The following ANKRD11 variants were observed in gnomAD, a reference collection of about 807,000 sequenced individuals.
The protein encoded by ANKRD11 is ankyrin repeat domain-containing protein 11.
A neutral mutation model predicts 195.7 loss-of-function variants in ANKRD11; 17 were observed. That is an observed-to-expected ratio of 0.09 (90% confidence interval 0.06 to 0.13). The LOEUF is 0.13. Ranked by LOEUF, ANKRD11 falls within the 10% of genes least tolerant of loss-of-function variation. The pLI is 1.00. For missense variants in ANKRD11, 3,735 were observed against 3,566.1 expected (o/e 1.05, Z -1.21); for synonymous variants, 1,953 against 1,528.1 (o/e 1.28, Z -6.49).
At chr16:89,421,708 C>T (rs2042515917) in intron 1 of ANKRD11, among the ~76,000 whole-genome samples, 1 of 121,358 alleles carries the variant, frequency 8.2e-6, no homozygotes, top group Non-Finnish European at 1.6e-5. Flanking sequence ...CCGTCCACGT[C>T]TGGGGGTGGG....
intron 2 of ANKRD11, chr16:89,323,304 C>G (rs557138257): frequency 7.8e-7 from 1 of 1,288,960 alleles, no homozygotes; most frequent in East Asian, 5.6e-5. Flanking sequence ...GTGACACACC[C>G]TATGACCCAC....
chr16:89,464,708 A>G (rs1448641803), intron 1 of ANKRD11, among the ~76,000 whole-genome samples: 1 of 152,212 alleles, frequency 6.6e-6, no homozygotes, highest in African/African-American at 2.4e-5. Flanking sequence ...ATAGTTGACC[A>G]GAATTAAGCA....
At chr16:89,343,703 A>C (rs2038803357) in intron 2 of ANKRD11, 1 of 152,254 alleles carries the variant, frequency 6.6e-6, no homozygotes, top group Non-Finnish European at 1.5e-5. Context: ...CACGACTAAC[A>C]GGTTTATTAC....
At chr16:89,433,746 C>G (rs2043097630) in intron 1 of ANKRD11, among the ~76,000 whole-genome samples, 1 of 151,786 alleles carries the variant, frequency 6.6e-6, no homozygotes. Flanking sequence ...GGCTTGGACG[C>G]AGCAGGGCTG....
intron 4 of ANKRD11, among the ~76,000 whole-genome samples, chr16:89,298,547 C>A (rs532980442): frequency 1.3e-3 from 202 of 152,374 alleles, no homozygotes; most frequent in African/African-American, 4.1e-3. Context: ...TGCCCGCCCC[C>A]CTCACTTGGC....
chr16:89,413,753 CAG>C (rs1392770187), intron 2 of ANKRD11, among the ~76,000 whole-genome samples: 1 of 152,202 alleles, frequency 6.6e-6, no homozygotes, highest in Non-Finnish European at 1.5e-5. Context: ...CGGCAGGACA[CAG>C]AAACAGCCGA....
chr16:89,470,157 C>T (rs1018945321), intron 1 of ANKRD11, among the ~76,000 whole-genome samples: 5 of 151,864 alleles, frequency 3.3e-5, no homozygotes, highest in African/African-American at 7.3e-5. Flanking sequence ...CTGCCTGCCC[C>T]GGCCTCCCAA....
chr16:89,336,160 C>G (rs2038342007), intron 2 of ANKRD11, among the ~76,000 whole-genome samples: 1 of 152,246 alleles, frequency 6.6e-6, no homozygotes, highest in South Asian at 2.1e-4. Flanking sequence ...CCTCTGGCCA[C>G]TTGTCCAGGA....
rs144309427 is a variant in ANKRD11 at position 89,284,691 on chromosome 16, G to A, written c.1851C>T (p.Gly617=). 594 of 1,613,922 alleles carry A rather than the reference G, an allele frequency of 3.7e-4. 1 individual carries two copies. The African/African-American group carries it at 4.2e-3, about 11-fold the overall frequency. ...CCTCCTTGTCCAGTTTGGGGACAGC[G>A]CCCTCCGCGCTGGACAGGAAGGGGC... The part of the protein sequence containing the change: ...KKSPFLSSAE[G]AVPKLDKEGK... Residue 617 remains glycine (G), a synonymous_variant, in exon 9 of 13, where the codon GGC becomes GGT. Transcript: ENST00000301030.
intron 1 of ANKRD11, among the ~76,000 whole-genome samples, chr16:89,441,792 A>AAAAC (rs2043513887): frequency 6.8e-6 from 1 of 147,498 alleles, no homozygotes; most frequent in African/African-American, 2.5e-5. Flanking sequence ...AAAAAAAAAA[A>AAAAC]ACGCAAACCT....
chr16:89,487,474 C>T (rs566690553), intron 1 of ANKRD11, among the ~76,000 whole-genome samples: 87 of 152,288 alleles, frequency 5.7e-4, no homozygotes, highest in African/African-American at 2.0e-3. Context: ...GTCAAATCTA[C>T]TTAAAAAGGC....
chr16:89,381,464 T>A (rs1053249972), intron 2 of ANKRD11, among the ~76,000 whole-genome samples: 13 of 152,176 alleles, frequency 8.5e-5, no homozygotes, highest in Admixed American at 2.6e-4. Context: ...GCAAGAGCTT[T>A]TCACATTGTA....
At chr16:89,273,249 A>C (rs1407031810) in intron 11 of ANKRD11, among the ~76,000 whole-genome samples, 1 of 152,126 alleles carries the variant, frequency 6.6e-6, no homozygotes, top group Non-Finnish European at 1.5e-5. Flanking sequence ...GCTTCCTTGG[A>C]AGGTGTTAGA....
At chr16:89,398,929 T>C (rs980959755) in intron 2 of ANKRD11, among the ~76,000 whole-genome samples, 3 of 152,262 alleles carry the variant, frequency 2.0e-5, no homozygotes, top group Middle Eastern at 3.4e-3. Flanking sequence ...GGGCAGTCTC[T>C]GGACAAGGCC....
chr16:89,354,243 C>A (rs1192524276), intron 2 of ANKRD11, among the ~76,000 whole-genome samples: 193 of 126,064 alleles, frequency 1.5e-3, no homozygotes, highest in South Asian at 2.4e-3. Flanking sequence ...TGCATTCAGC[C>A]AAAAAAAAAA....
chr16:89,416,086 C>G (rs1242229117), intron 2 of ANKRD11, among the ~76,000 whole-genome samples: 1 of 152,044 alleles, frequency 6.6e-6, no homozygotes, highest in African/African-American at 2.4e-5. Flanking sequence ...CTATAGTTCA[C>G]AAAAGTGACA....
At chr16:89,329,244 A>G (rs2037918276) in intron 2 of ANKRD11, among the ~76,000 whole-genome samples, 1 of 152,216 alleles carries the variant, frequency 6.6e-6, no homozygotes, top group Non-Finnish European at 1.5e-5. Context: ...CCAGGTATCC[A>G]GGATAAGACG....
intron 2 of ANKRD11, among the ~76,000 whole-genome samples, chr16:89,322,180 A>T (rs1039909673): frequency 6.6e-5 from 10 of 152,322 alleles, no homozygotes; most frequent in African/African-American, 2.4e-4. Flanking sequence ...TGTATTGTTC[A>T]AGGGTTTGCT....
At chr16:89,327,925 C>G (rs191625831) in intron 2 of ANKRD11, among the ~76,000 whole-genome samples, 1 of 152,246 alleles carries the variant, frequency 6.6e-6, no homozygotes, top group Non-Finnish European at 1.5e-5. Flanking sequence ...CTTTGAAAGA[C>G]CTAGTTTAAA....
Sources: gnomAD v4.1 joint callset for allele counts (sites outside exome capture counted in the v4.1 genomes callset) on GRCh38, gnomAD v4.1.1 for gene constraint, MANE v1.5 for transcripts, NCBI Gene and HGNC (gene_info 2026-07-23, HGNC 2026-07-21) for gene names.